The following ITGA2 variants were observed in gnomAD, a reference collection of about 807,000 sequenced individuals.
The protein encoded by ITGA2 is integrin subunit alpha 2, also known as integrin alpha-2.
Under a neutral mutation model 146.3 loss-of-function variants are expected in ITGA2, and 101 were observed. That is an observed-to-expected ratio of 0.69 (90% confidence interval 0.59 to 0.81). The LOEUF (loss-of-function observed/expected upper bound fraction) is 0.81. ITGA2 is among the 40% of genes least tolerant of loss of function. The pLI is 0.00. For synonymous variants in ITGA2, 477 were observed against 487.1 expected (o/e 0.98, Z 0.27); for missense variants, 1,281 against 1,402.7 (o/e 0.91, Z 1.39).
rs150435408 is a variant in ITGA2, at chr5:53,054,258, T to C, written c.780-1280T>C. Among the ~76,000 whole-genome samples, 543 of 152,282 alleles carry C rather than the reference T, an allele frequency of 3.6e-3. 5 individuals are homozygous for C. Among genetic ancestry groups the C allele is most frequent in the African/African-American group, 0.013 (522 of 41,560 alleles). On this transcript the variant is annotated intron_variant, in intron 7 of 29. Coordinates refer to ENST00000296585, the MANE Select transcript of ITGA2 (RefSeq NM_002203.4). The stretch of plus-strand genomic sequence containing the variant: ...TATGACAGATTGCCCCATTTCCTAC[T>C]GTTTTAATCTAAGGTCTTCTCATTT...
chr5:53,022,423 C>T (rs1406433460), intron 1 of ITGA2, among the ~76,000 whole-genome samples: 2 of 152,176 alleles, frequency 1.3e-5, no homozygotes, highest in African/African-American at 4.8e-5. Flanking sequence ...TCATATGTTT[C>T]TCTTTTGAAT....
intron 13 of ITGA2, among the ~76,000 whole-genome samples, chr5:53,063,711 G>A (rs754872627): frequency 4.6e-5 from 7 of 151,844 alleles, no homozygotes; most frequent in Non-Finnish European, 1.0e-4. Context: ...TGATATTTAT[G>A]TAAAAATTAA....
chr5:53,059,814 T>G, intron 10 of ITGA2, 60 bp from the exon 11 acceptor site: 2 of 1,509,370 alleles, frequency 1.3e-6, no homozygotes, highest in Non-Finnish European at 1.8e-6. Context: ...TTGCCTACCC[T>G]GCATTCTTAT....
chr5:52,999,708 C>G lies in ITGA2; in HGVS notation c.64+10176C>G, dbSNP rs113139391. ...TTCTTTGTCCCACAGGGAGATGTTA[C>G]CTCATTCTTCAAAGATGCTCACTGC... On this transcript the variant is annotated intron_variant, in intron 1 of 29. Transcript: ENST00000296585. Among the ~76,000 whole-genome samples, 445 of 152,242 alleles carry G rather than the reference C, an allele frequency of 2.9e-3. 6 individuals are homozygous for G. Among genetic ancestry groups the G allele is most frequent in the African/African-American group, 0.01 (428 of 41,522 alleles).
At chr5:53,090,393 A>T in intron 29 of ITGA2, 126 bp from the exon 30 acceptor site, 1 of 793,848 alleles carries the variant, frequency 1.3e-6, no homozygotes, top group Non-Finnish European at 2.2e-6. Context: ...ATCAGTCTGC[A>T]CACCTCCCTT....
chr5:53,090,181 T>A, intron 29 of ITGA2, 119 bp downstream of exon 29: 1 of 745,550 alleles, frequency 1.3e-6, no homozygotes, highest in African/African-American at 1.8e-5. Context: ...AGAAAAGAAA[T>A]GCAAATTTGT....
intron 9 of ITGA2, among the ~76,000 whole-genome samples, chr5:53,057,091 C>G (rs1286948528): frequency 6.6e-6 from 1 of 151,880 alleles, no homozygotes. Context: ...CCAGCATACC[C>G]TGAGATAACA....
chr5:53,078,773 T>C lies in ITGA2; in HGVS notation c.2827T>C (p.Ser943Pro), dbSNP rs1745773003. ...GGCTTTACAAACATCATCCAACAGATCTACCAACATAAATTTTTATGAAAT... is the reference window on the plus strand; with the variant it reads ...GGCTTTACAAACATCATCCAACAGACCTACCAACATAAATTTTTATGAAAT... Reference protein sequence around the residue: ...LYDAEIHLTRSTNINFYEISS... With the variant: ...LYDAEIHLTRPTNINFYEISS... The change falls in exon 24 of 30, where the codon TCT becomes CCT. Residue 943 changes from serine (S) to proline (P), a missense_variant and splice_region_variant. By Grantham distance (74) the Ser-to-Pro change is moderately conservative. Coordinates refer to ENST00000296585, the MANE Select transcript of ITGA2 (RefSeq NM_002203.4). The C allele has an allele frequency of 1.3e-6, 2 of 1,577,304 alleles. No homozygotes were observed. Among genetic ancestry groups the C allele is most frequent in the African/African-American group, 1.3e-5 (1 of 74,098 alleles).
At chr5:53,049,552 C>T (rs986745758) in intron 6 of ITGA2, among the ~76,000 whole-genome samples, 1 of 152,106 alleles carries the variant, frequency 6.6e-6, no homozygotes, top group African/African-American at 2.4e-5. Flanking sequence ...GTTTAGCTTG[C>T]CCTTTTGCCT....
At chr5:52,998,891 C>T (rs1053559172) in intron 1 of ITGA2, among the ~76,000 whole-genome samples, 1 of 152,222 alleles carries the variant, frequency 6.6e-6, no homozygotes, top group Non-Finnish European at 1.5e-5. Flanking sequence ...AAAATTTCTA[C>T]TTCTTTCCAA....
In ITGA2 at chr5:53,081,727, C is replaced by A. The variant is rs201144927; in HGVS notation, c.3144+31C>A. 3.5e-6 allele frequency: 5 copies of A among 1,424,226 alleles called. No individual in the cohort carries two copies. In the African/African-American group the frequency reaches 4.2e-5, roughly 12 times the overall value. 88.2% of individuals were successfully genotyped at this position (1,424,226 alleles called of 1,614,324 possible). A position where few individuals can be genotyped will look rare whatever the true frequency, so the allele number is the denominator to read the frequency against. On this transcript the variant is annotated intron_variant, in intron 26 of 29. Coordinates refer to ENST00000296585, the MANE Select transcript of ITGA2 (RefSeq NM_002203.4). ...GACAAGTTAACGTGTGAAAGCTCCC[C>A]TCATTCATTTATTTCACCTGTGATC...
intron 27 of ITGA2, among the ~76,000 whole-genome samples, chr5:53,084,711 C>G (rs2112035315): frequency 6.6e-6 from 1 of 152,288 alleles, no homozygotes; most frequent in South Asian, 2.1e-4. Flanking sequence ...GTGTGGTGCT[C>G]AGTTTTGCTC....
chr5:53,051,665 G>A (rs41272299), intron 7 of ITGA2, 106 bp downstream of exon 7: 32 of 1,142,794 alleles, frequency 2.8e-5, no homozygotes, highest in Non-Finnish European at 4.0e-5. Flanking sequence ...AATATACCTG[G>A]TACCTAATTT....
intron 9 of ITGA2, among the ~76,000 whole-genome samples, chr5:53,056,857 G>C (rs3212525): frequency 0.1 from 15,701 of 151,470 alleles, 937 homozygotes; most frequent in Middle Eastern, 0.16. Context: ...CCAAATCCTA[G>C]TTCTTGATGG....
intron 4 of ITGA2, among the ~76,000 whole-genome samples, chr5:53,045,912 T>A (rs56296421): frequency 0.27 from 41,547 of 151,610 alleles, 5,706 homozygotes; most frequent in Admixed American, 0.32. Context: ...TTAGAGAGGT[T>A]GGGCGCGGTG....
chr5:53,022,256 TACAGTGGC>T (rs1205117893), intron 1 of ITGA2, among the ~76,000 whole-genome samples: 1 of 151,948 alleles, frequency 6.6e-6, no homozygotes, highest in East Asian at 1.9e-4. Context: ...CAGGCTGAAG[TACAGTGGC>T]ACAATCACAG....
At chr5:53,019,904 TTTATTATTAG>T (rs1010296048) in intron 1 of ITGA2, among the ~76,000 whole-genome samples, 21 of 152,292 alleles carry the variant, frequency 1.4e-4, no homozygotes, top group African/African-American at 4.6e-4. Flanking sequence ...ATTGTTCTGT[TTTATTATTAG>T]TTGTTGTTTT....
In ITGA2 at chr5:53,041,926, A is replaced by G. The variant is rs3212438; in HGVS notation, c.186-186A>G. On this transcript the variant is annotated intron_variant, in intron 2 of 29. Transcript: ENST00000296585. Reference sequence around the variant, plus strand: ...TTTCTAGGGTGTGTGGCAATGCAGCAGTGTTACAGACATTGATCAAAGCTC... The same window carrying G: ...TTTCTAGGGTGTGTGGCAATGCAGCGGTGTTACAGACATTGATCAAAGCTC... 0.27 allele frequency among the ~76,000 whole-genome samples: 41,693 copies of G among 152,000 alleles called. 5,783 individuals carry two copies. The highest frequency in any genetic ancestry group is 0.32 in the Admixed American group (4,895 of 15,254).
intron 6 of ITGA2, among the ~76,000 whole-genome samples, chr5:53,050,893 A>C (rs1744326781): frequency 6.6e-6 from 1 of 152,218 alleles, no homozygotes; most frequent in Non-Finnish European, 1.5e-5. Flanking sequence ...AATTCAGCAC[A>C]ATAAATAGAC....
Sources: allele counts gnomAD v4.1 joint callset (sites outside exome capture counted in the v4.1 genomes callset), GRCh38; gene constraint gnomAD v4.1.1; transcripts MANE v1.5; gene names NCBI Gene and HGNC (gene_info 2026-07-23, HGNC 2026-07-21).